The following CCNJL variants were observed in gnomAD, a reference collection of about 807,000 sequenced individuals.
The protein encoded by CCNJL is cyclin-J-like protein.
A neutral mutation model predicts 33.4 loss-of-function variants in CCNJL; 33 were observed. The ratio of observed to expected loss-of-function variants is 0.99; its 90% CI spans 0.75 to 1.32. The LOEUF (loss-of-function observed/expected upper bound fraction) is 1.32. Among genes scored for constraint, CCNJL ranks in the 40% most tolerant of loss-of-function variants. The pLI is 0.00. For synonymous variants in CCNJL, 227 were observed against 220.9 expected (o/e 1.03, Z -0.24); for missense variants, 512 against 499.7 (o/e 1.02, Z -0.23).
chr5:160,278,604 C>T (rs1762096952), intron 3 of CCNJL, among the ~76,000 whole-genome samples: 1 of 152,196 alleles, frequency 6.6e-6, no homozygotes. Flanking sequence ...GTGGGGGCGT[C>T]TGCCTCTCTG....
At chr5:160,300,339 G>T (rs889882753) in intron 2 of CCNJL, among the ~76,000 whole-genome samples, 7 of 152,126 alleles carry the variant, frequency 4.6e-5, no homozygotes, top group Non-Finnish European at 2.9e-5. Context: ...CCTTGATGCA[G>T]GTCTCAGCCC....
intron 3 of CCNJL, among the ~76,000 whole-genome samples, chr5:160,270,316 A>C (rs6875779): frequency 0.14 from 21,573 of 152,144 alleles, 2,469 homozygotes; most frequent in African/African-American, 0.31. Flanking sequence ...AGGTGGTGGG[A>C]ACCTGTAATC....
At chr5:160,284,750 ACTT>A (rs1170632117) in intron 2 of CCNJL, among the ~76,000 whole-genome samples, 3 of 152,166 alleles carry the variant, frequency 2.0e-5, no homozygotes, top group South Asian at 2.1e-4. Flanking sequence ...TGAATAAATT[ACTT>A]CTTCTCCCTT....
intron 1 of CCNJL, among the ~76,000 whole-genome samples, chr5:160,321,160 A>G (rs10063519): frequency 0.67 from 99,836 of 148,046 alleles, 34,169 homozygotes; most frequent in African/African-American, 0.77. Flanking sequence ...CCTGGCTTGG[A>G]AACCCTGGCG....
chr5:160,330,672 T>A (rs1344652177), intron 1 of CCNJL, among the ~76,000 whole-genome samples: 3 of 19,350 alleles, frequency 1.6e-4, no homozygotes, highest in Non-Finnish European at 2.5e-4. Context: ...TTTCTTTTCT[T>A]TTTTTTTTTG....
At chr5:160,303,205 CATTT>C (rs949167024) in intron 2 of CCNJL, among the ~76,000 whole-genome samples, 35 of 152,190 alleles carry the variant, frequency 2.3e-4, no homozygotes, top group African/African-American at 8.2e-4. Context: ...TTTTCCTTTT[CATTT>C]ATTTATTTTT....
chr5:160,334,134 A>C (rs1227271353), intron 1 of CCNJL, among the ~76,000 whole-genome samples: 1 of 152,082 alleles, frequency 6.6e-6, no homozygotes, highest in African/African-American at 2.4e-5. Context: ...CAGGCACCCC[A>C]ACTTCAGCAA....
chr5:160,316,250 C>A (rs985807118), upstream of CCNJL, among the ~76,000 whole-genome samples: 2 of 152,278 alleles, frequency 1.3e-5, no homozygotes, highest in African/African-American at 4.8e-5. Context: ...CCACCCCCAA[C>A]CAAGACAAGA....
At chr5:160,288,469 C>A (rs1762477942) in intron 2 of CCNJL, among the ~76,000 whole-genome samples, 1 of 152,200 alleles carries the variant, frequency 6.6e-6, no homozygotes, top group African/African-American at 2.4e-5. Flanking sequence ...TATCCCACTT[C>A]ATCTTCCTAC....
At chr5:160,261,753 C>T (rs1761346042) in intron 3 of CCNJL, among the ~76,000 whole-genome samples, 1 of 152,150 alleles carries the variant, frequency 6.6e-6, no homozygotes, top group Admixed American at 6.5e-5. Flanking sequence ...TTAGAGACCT[C>T]CAGATATTAA....
intron 3 of CCNJL, among the ~76,000 whole-genome samples, chr5:160,273,999 T>C (rs962609895): frequency 6.6e-6 from 1 of 151,926 alleles, no homozygotes; most frequent in Non-Finnish European, 1.5e-5. Flanking sequence ...GAACCCGTAA[T>C]GAGAATCAAC....
chr5:160,255,860 T>C (rs1218813958), intron 4 of CCNJL, 152 bp from the exon 5 acceptor site: 5 of 684,406 alleles, frequency 7.3e-6, no homozygotes, highest in Non-Finnish European at 9.8e-6. Context: ...TGAAGTTCCA[T>C]TTTTGAATCT....
At chr5:160,333,010 C>T (rs1763629336) in intron 1 of CCNJL, among the ~76,000 whole-genome samples, 1 of 152,144 alleles carries the variant, frequency 6.6e-6, no homozygotes, top group Admixed American at 6.5e-5. Context: ...CTCCGCTGGG[C>T]ATGGTGGCTC....
Position 160,250,638 on chromosome 5 carries a change from A to T in CCNJL, c.*2740T>A, listed in dbSNP as rs565924224. The stretch of plus-strand genomic sequence containing the variant: ...GAGGAGTACGAATCTGACATTTTTC[A>T]TAACAGCTGATGCTATATCTCATCA... On this transcript the variant is annotated 3_prime_UTR_variant, in exon 6 of 6. Transcript: ENST00000257536. The T allele has an allele frequency of 1.3e-5, 2 of 152,246 alleles. No homozygotes were observed. The highest frequency in any genetic ancestry group is 4.8e-5 in the African/African-American group (2 of 41,474). 9.4% of individuals were successfully genotyped at this position (152,246 alleles called of 1,614,324 possible).
At position 160,329,217 on chromosome 5, in the gene CCNJL, T is replaced by A. The variant is rs140007438; in HGVS notation, n.206+10228A>T. On this transcript the variant is annotated intron_variant and non_coding_transcript_variant, in intron 1 of 7. Coordinates refer to the CCNJL transcript ENST00000377503. ...CCCAGCAGACCAGATCAAACCAGAA[T>A]GGAGTCCCTCATGCTAGGTGCTATG... 2.3e-4 allele frequency among the ~76,000 whole-genome samples: 35 copies of A among 152,276 alleles called. No individual in the cohort carries two copies. The East Asian group carries it at 6.2e-3, about 27-fold the overall frequency.
chr5:160,304,813 A>ACTTC lies in CCNJL; in HGVS notation c.66+7044_66+7045insGAAG, dbSNP rs1763038274. Among the ~76,000 whole-genome samples the ACTTC allele has an allele frequency of 1.1e-4, 12 of 113,102 alleles. No individual in the cohort carries two copies. The South Asian group carries it at 3.2e-3, about 30-fold the overall frequency. The allele number at this position is 113,102 out of a possible 152,430, so 74.2% of individuals were successfully genotyped here. A position where few individuals can be genotyped will look rare whatever the true frequency, so the allele number is the denominator to read the frequency against. On this transcript the variant is annotated intron_variant, in intron 2 of 5. Transcript: ENST00000257536. ...TTGTTGAGTATGGACCTTGGTCACT[A>ACTTC]CTTTCTTTCTTTTTTTTTTTAGAGG...
chr5:160,328,395 G>A (rs137975514), intron 1 of CCNJL, among the ~76,000 whole-genome samples: 17 of 152,290 alleles, frequency 1.1e-4, no homozygotes, highest in Non-Finnish European at 1.8e-4. Flanking sequence ...AAGTGATACC[G>A]GTGGCTTGGA....
chr5:160,299,403 C>T (rs558953099), intron 2 of CCNJL, among the ~76,000 whole-genome samples: 13 of 152,092 alleles, frequency 8.5e-5, no homozygotes, highest in Non-Finnish European at 1.0e-4. Flanking sequence ...CCACCCACCT[C>T]GGCCTCCCAA....
intron 2 of CCNJL, among the ~76,000 whole-genome samples, chr5:160,284,828 C>T (rs1762353330): frequency 6.6e-6 from 1 of 152,194 alleles, no homozygotes; most frequent in Admixed American, 6.5e-5. Context: ...ATCTAACTAG[C>T]AAAAGATCTT....
Sources: gnomAD v4.1 joint callset for allele counts (sites outside exome capture counted in the v4.1 genomes callset) on GRCh38, gnomAD v4.1.1 for gene constraint, MANE v1.5 for transcripts, NCBI Gene and HGNC (gene_info 2026-07-23, HGNC 2026-07-21) for gene names.